Variants in RALYL observed in about 807,000 individuals in gnomAD.
The protein encoded by RALYL is RNA-binding Raly-like protein.
In RALYL, 29 loss-of-function variants were observed where a neutral mutation model predicts 35.1. The ratio of observed to expected loss-of-function variants is 0.83; its 90% CI spans 0.61 to 1.13. The LOEUF is 1.13. Ranked by LOEUF, RALYL falls within the 50% of genes most tolerant of loss-of-function variation. RALYL has a pLI of 0.00. For missense variants in RALYL, 359 were observed against 360.4 expected, an observed-to-expected ratio of 1.00 and a Z score of 0.03; for synonymous variants, 120 against 127.6, an observed-to-expected ratio of 0.94 and a Z score of 0.40.
chr8:84,229,152 A>G (rs1270522113), intron 1 of RALYL, among the ~76,000 whole-genome samples: 1 of 152,204 alleles, frequency 6.6e-6, no homozygotes, highest in East Asian at 1.9e-4. Context: ...TTAATCAATC[A>G]GCCATTTTGG....
At chr8:84,400,822 G>A (rs1208348985) in intron 1 of RALYL, among the ~76,000 whole-genome samples, 3 of 152,190 alleles carry the variant, frequency 2.0e-5, no homozygotes, top group African/African-American at 7.2e-5. Flanking sequence ...AGATTTTCAT[G>A]TTCATGTGTC....
chr8:84,641,560 A>G (rs1196503246), intron 2 of RALYL, among the ~76,000 whole-genome samples: 1 of 151,890 alleles, frequency 6.6e-6, no homozygotes, highest in Non-Finnish European at 1.5e-5. Context: ...TGTCATTAAC[A>G]TGTACTCAAT....
chr8:84,189,850 G>A (rs16912515), intron 1 of RALYL, among the ~76,000 whole-genome samples: 1,806 of 152,244 alleles, frequency 0.012, 41 homozygotes, highest in African/African-American at 0.041. Flanking sequence ...AGTGCTTTGA[G>A]CAGAAACAAA....
intron 1 of RALYL, among the ~76,000 whole-genome samples, chr8:84,408,159 C>A (rs890407097): frequency 2.0e-5 from 3 of 151,850 alleles, no homozygotes; most frequent in African/African-American, 7.3e-5. Context: ...AAAATGTCAT[C>A]CACATGGGAT....
intron 2 of RALYL, among the ~76,000 whole-genome samples, chr8:84,553,489 A>G (rs1283742735): frequency 5.3e-5 from 8 of 152,206 alleles, no homozygotes; most frequent in Admixed American, 5.2e-4. Flanking sequence ...AGAGTTGAGT[A>G]AAGGTCAATG....
chr8:84,514,163 T>C (rs1329702660), intron 1 of RALYL, among the ~76,000 whole-genome samples: 1 of 143,558 alleles, frequency 7.0e-6, no homozygotes, highest in Non-Finnish European at 1.5e-5. Context: ...TAAATACCTA[T>C]GTTGTGACAC....
intron 1 of RALYL, among the ~76,000 whole-genome samples, chr8:84,435,943 G>C (rs2047665507): frequency 6.6e-6 from 1 of 152,090 alleles, no homozygotes; most frequent in African/African-American, 2.4e-5. Flanking sequence ...GGTTGTTGTG[G>C]ATTAAAAGTG....
chr8:84,512,025 T>A (rs1462095812), intron 1 of RALYL, among the ~76,000 whole-genome samples: 2 of 152,182 alleles, frequency 1.3e-5, no homozygotes, highest in Admixed American at 6.5e-5. Context: ...TCCCCTTTGA[T>A]ATGCTGAATT....
At chr8:84,185,234 G>T in intron 1 of RALYL, 1 of 585,140 alleles carries the variant, frequency 1.7e-6, no homozygotes, top group Non-Finnish European at 3.1e-6. Flanking sequence ...CACCTCTAAG[G>T]TATTAAAAAA....
chr8:84,460,364 A>G (rs2050620416), intron 1 of RALYL, among the ~76,000 whole-genome samples: 1 of 151,792 alleles, frequency 6.6e-6, no homozygotes, highest in Admixed American at 6.6e-5. Flanking sequence ...GTATACTTGC[A>G]AAGTGAAGGC....
In RALYL at chr8:84,469,880, C is replaced by A. The variant is rs190571252; in HGVS notation, c.-23-59419C>A. On this transcript the variant is annotated intron_variant, in intron 1 of 8. Coordinates refer to ENST00000521268, the MANE Select transcript of RALYL (RefSeq NM_173848.7). ...AAGCCCGTCGGAAAAGCGCAGTATT[C>A]GGGTGGGAGTGACCCGATTTTCCAG... Among the ~76,000 whole-genome samples, 810 of 152,270 alleles carry A rather than the reference C, an allele frequency of 5.3e-3. 3 individuals carry two copies. Among genetic ancestry groups the A allele is most frequent in the African/African-American group, 0.017 (720 of 41,568 alleles).
intron 2 of RALYL, among the ~76,000 whole-genome samples, chr8:84,638,307 G>T (rs1253341775): frequency 6.6e-6 from 1 of 151,928 alleles, no homozygotes; most frequent in African/African-American, 2.4e-5. Context: ...GACACAGCAA[G>T]TGTGGTGCTA....
At chr8:84,561,180 T>G (rs182703366) in intron 2 of RALYL, among the ~76,000 whole-genome samples, 59 of 152,200 alleles carry the variant, frequency 3.9e-4, no homozygotes, top group African/African-American at 1.3e-3. Context: ...TGCTGCCTAC[T>G]ACATTTTCTT....
intron 1 of RALYL, among the ~76,000 whole-genome samples, chr8:84,292,735 G>T (rs766916350): frequency 1.3e-5 from 2 of 152,034 alleles, no homozygotes; most frequent in African/African-American, 4.8e-5. Flanking sequence ...ACTTTATATG[G>T]TCTAAAAAGG....
chr8:84,890,748 T>A (rs1843688644), intron 8 of RALYL, among the ~76,000 whole-genome samples: 1 of 152,046 alleles, frequency 6.6e-6, no homozygotes, highest in Admixed American at 6.6e-5. Context: ...TCAGCCCTTA[T>A]GGAAGCATGA....
chr8:84,856,757 G>A (rs966868803), intron 5 of RALYL, among the ~76,000 whole-genome samples: 1 of 152,042 alleles, frequency 6.6e-6, no homozygotes, highest in Non-Finnish European at 1.5e-5. Context: ...GGCCGGGCGC[G>A]GTGGCTCACG....
At chr8:84,544,142 T>TC (rs2060200783) in intron 2 of RALYL, among the ~76,000 whole-genome samples, 1 of 152,076 alleles carries the variant, frequency 6.6e-6, no homozygotes, top group Admixed American at 6.6e-5. Context: ...GGAGTGGTTC[T>TC]CCTCTGTGAG....
At chr8:84,546,671 G>A (rs1187720792) in intron 2 of RALYL, among the ~76,000 whole-genome samples, 1 of 151,986 alleles carries the variant, frequency 6.6e-6, no homozygotes, top group African/African-American at 2.4e-5. Context: ...TTACTTTTTT[G>A]GAGAAATCTT....
intron 1 of RALYL, among the ~76,000 whole-genome samples, chr8:84,424,044 T>G (rs1453043989): frequency 2.0e-5 from 3 of 151,962 alleles, no homozygotes; most frequent in Non-Finnish European, 4.4e-5. Context: ...TTGCTCTTCT[T>G]GAGGAGTATC....
Sources: allele counts gnomAD v4.1 joint callset (sites outside exome capture counted in the v4.1 genomes callset), GRCh38; gene constraint gnomAD v4.1.1; transcripts MANE v1.5; gene names NCBI Gene and HGNC (gene_info 2026-07-23, HGNC 2026-07-21).